KIRREL3: variants seen among roughly 807,000 people sequenced by gnomAD.
KIRREL3 encodes the protein kin of IRRE-like protein 3.
Under a neutral mutation model 89.7 loss-of-function variants are expected in KIRREL3, and 36 were observed. That is an observed-to-expected ratio of 0.40 (90% CI 0.31 to 0.53). The LOEUF (loss-of-function observed/expected upper bound fraction) is 0.53. KIRREL3 is among the 20% of genes least tolerant of loss of function. The pLI is 0.49. For missense variants in KIRREL3, 864 were observed against 1,056.6 expected (o/e 0.82, Z 2.53); for synonymous variants, 445 against 441.4 (o/e 1.01, Z -0.10).
At chr11:126,572,580 C>G (rs997149220) in intron 1 of KIRREL3, among the ~76,000 whole-genome samples, 1 of 97,028 alleles carries the variant, frequency 1.0e-5, no homozygotes, top group Non-Finnish European at 2.2e-5. Flanking sequence ...GGACCCCCCC[C>G]CCGCCAAGCA....
chr11:126,930,259 A>G (rs1311996752), intron 1 of KIRREL3, among the ~76,000 whole-genome samples: 2 of 68,780 alleles, frequency 2.9e-5, no homozygotes, highest in African/African-American at 8.2e-5. Context: ...TAAACCCTTG[A>G]CATGTTACTG....
At position 126,814,991 on chromosome 11, in the gene KIRREL3, T is replaced by A. The variant is rs1353517981; in HGVS notation, c.55+185464A>T. Reference sequence around the variant, plus strand: ...AGGTGGATTCCTTTAGGTCACCTTCTTGCAGTTGTACCCTAAATTTAGAGG... The same window carrying A: ...AGGTGGATTCCTTTAGGTCACCTTCATGCAGTTGTACCCTAAATTTAGAGG... On this transcript the variant is annotated intron_variant, in intron 1 of 16. Coordinates refer to ENST00000525144, the MANE Select transcript of KIRREL3 (RefSeq NM_032531.4). The surrounding 1 kb of genome is among the most constrained non-coding windows in gnomAD (Gnocchi z 4.4). Among the ~76,000 whole-genome samples the A allele has an allele frequency of 6.6e-6, 1 of 152,184 alleles. No homozygotes were observed. Among genetic ancestry groups the A allele is most frequent in the African/African-American group, 2.4e-5 (1 of 41,438 alleles).
In KIRREL3 at chr11:126,918,716, A is replaced by G. The variant is rs191464282; in HGVS notation, c.55+81739T>C. On this transcript the variant is annotated intron_variant, in intron 1 of 16. Coordinates refer to ENST00000525144, the MANE Select transcript of KIRREL3 (RefSeq NM_032531.4). This position sits in a 1 kb window ranked among gnomAD's most constrained non-coding sequence, Gnocchi z 6.5. ...ATGGCAGACATTACTAATCAAGGAT[A>G]GTTCCCCTTTTCAAAATCTTTTCCT... Among the ~76,000 whole-genome samples the G allele has an allele frequency of 2.6e-5, 4 of 152,318 alleles. No homozygotes were observed. The East Asian group carries it at 7.7e-4, about 29-fold the overall frequency.
In KIRREL3 at chr11:126,832,090, T is replaced by A. The variant is rs1943627479; in HGVS notation, c.55+168365A>T. Among the ~76,000 whole-genome samples the A allele has an allele frequency of 3.9e-5, 6 of 152,224 alleles. No homozygotes were observed. In the South Asian group the frequency reaches 1.2e-3, roughly 32 times the overall value. ...TTATCAAGTATTTCTGCCTTTACAC[T>A]TTTAAGATGAGGAAAATGAGCCACA... On this transcript the variant is annotated intron_variant, in intron 1 of 16. Transcript: ENST00000525144.
intron 1 of KIRREL3, among the ~76,000 whole-genome samples, chr11:126,956,446 G>A (rs1948924505): frequency 6.6e-6 from 1 of 152,084 alleles, no homozygotes; most frequent in Non-Finnish European, 1.5e-5. Flanking sequence ...CATTTTAATG[G>A]CATATGGTTC....
intron 1 of KIRREL3, among the ~76,000 whole-genome samples, chr11:126,865,875 T>A (rs767734647): frequency 1.9e-4 from 29 of 152,190 alleles, no homozygotes; most frequent in African/African-American, 2.9e-4. Context: ...TCTTTTTTTT[T>A]AATTTTAACT....
intron 1 of KIRREL3, among the ~76,000 whole-genome samples, chr11:126,602,814 A>T (rs1342192582): frequency 6.6e-6 from 1 of 152,152 alleles, no homozygotes; most frequent in Non-Finnish European, 1.5e-5. Context: ...CGGGGCTGGG[A>T]GGACAGGTAA....
Position 126,796,265 on chromosome 11 carries a change from A to G in KIRREL3, c.55+204190T>C, listed in dbSNP as rs908851108. On this transcript the variant is annotated intron_variant, in intron 1 of 16. Transcript: ENST00000525144. The surrounding 1 kb of genome is among the most constrained non-coding windows in gnomAD (Gnocchi z 5.1). The stretch of plus-strand genomic sequence containing the variant: ...AAAATGGTGAACAAAAAAACCAAGG[A>G]CTTGACCAGATGAAAAGAGAGGGGC... 1.3e-5 allele frequency among the ~76,000 whole-genome samples: 2 copies of G among 151,866 alleles called. No individual in the cohort carries two copies. Among genetic ancestry groups the G allele is most frequent in the Non-Finnish European group, 2.9e-5 (2 of 67,994 alleles).
intron 1 of KIRREL3, among the ~76,000 whole-genome samples, chr11:126,831,424 T>C (rs1267689603): frequency 1.1e-5 from 1 of 91,648 alleles, no homozygotes; most frequent in Non-Finnish European, 2.1e-5. Flanking sequence ...TCTCTCTCTA[T>C]CTCTCTCTCT....
In KIRREL3 at chr11:126,754,863, T is replaced by C. The variant is rs753083403; in HGVS notation, c.56-191951A>G. Among the ~76,000 whole-genome samples the C allele has an allele frequency of 3.9e-5, 6 of 152,222 alleles. No individual in the cohort carries two copies. The highest frequency in any genetic ancestry group is 8.8e-5 in the Non-Finnish European group (6 of 68,032). The stretch of plus-strand genomic sequence containing the variant: ...CTCTTTCTCCATGGCCAGACATTGA[T>C]GAAAATTGTACTGAGCAGCTGCCTG... On this transcript the variant is annotated intron_variant, in intron 1 of 16. Transcript: ENST00000525144. This position sits in a 1 kb window ranked among gnomAD's most constrained non-coding sequence, Gnocchi z 5.1.
chr11:126,671,569 T>C (rs1322728099), intron 1 of KIRREL3, among the ~76,000 whole-genome samples: 1 of 151,352 alleles, frequency 6.6e-6, no homozygotes, highest in Non-Finnish European at 1.5e-5. Context: ...CCAAGAATCC[T>C]GAAAACTCAA....
intron 4 of KIRREL3, among the ~76,000 whole-genome samples, chr11:126,497,134 CAGAG>C (rs1957681219): frequency 2.8e-5 from 4 of 142,214 alleles, no homozygotes; most frequent in African/African-American, 7.8e-5. Flanking sequence ...GTGTGTGTGA[CAGAG>C]AGAGAGCGAG....
chr11:126,821,351 A>G lies in KIRREL3; in HGVS notation c.55+179104T>C, dbSNP rs4072706. ...ACAGTATATATATATATATATATAT[A>G]TGTAACTTCCAACCAACATCCCTTC... On this transcript the variant is annotated intron_variant, in intron 1 of 16. Transcript: ENST00000525144. Among the ~76,000 whole-genome samples, 556 of 105,200 alleles carry G rather than the reference A, an allele frequency of 5.3e-3. 68 individuals are homozygous for G. The highest frequency in any genetic ancestry group is 9.4e-3 in the East Asian group (28 of 2,984). The allele number at this position is 105,200 out of a possible 152,430, so 69.0% of individuals were successfully genotyped here.
chr11:126,829,876 T>G (rs1943548799), intron 1 of KIRREL3, among the ~76,000 whole-genome samples: 1 of 152,064 alleles, frequency 6.6e-6, no homozygotes, highest in Non-Finnish European at 1.5e-5. Context: ...AGAGGGAGGT[T>G]TTCAGAAGAC....
Position 126,736,334 on chromosome 11 carries a change from C to T in KIRREL3, c.56-173422G>A, listed in dbSNP as rs979599388. Among the ~76,000 whole-genome samples the T allele has an allele frequency of 7.2e-5, 11 of 152,184 alleles. 1 individual carries two copies. Among genetic ancestry groups the T allele is most frequent in the Admixed American group, 2.6e-4 (4 of 15,280 alleles). ...TTTTGCAGATAAGCAAACCGAGGCT[C>T]AGAGAAGTGAAATCATTTGACAAGT... On this transcript the variant is annotated intron_variant, in intron 1 of 16. Coordinates refer to ENST00000525144, the MANE Select transcript of KIRREL3 (RefSeq NM_032531.4). This position sits in a 1 kb window ranked among gnomAD's most constrained non-coding sequence, Gnocchi z 5.0.
At chr11:126,833,987 C>T (rs752541346) in intron 1 of KIRREL3, among the ~76,000 whole-genome samples, 4 of 152,180 alleles carry the variant, frequency 2.6e-5, no homozygotes, top group African/African-American at 4.8e-5. Context: ...TTGCTCTCAG[C>T]GTCCCTGTCT....
Position 126,994,994 on chromosome 11 carries a change from A to G in KIRREL3, c.55+5461T>C, listed in dbSNP as rs1459647748. The G allele has an allele frequency of 2.9e-6, 1 of 349,332 alleles. No homozygotes were observed. The highest frequency in any genetic ancestry group is 2.1e-5 in the African/African-American group (1 of 46,592). The allele number at this position is 349,332 out of a possible 1,614,324, so 21.6% of individuals were successfully genotyped here. A position where few individuals can be genotyped will look rare whatever the true frequency, so the allele number is the denominator to read the frequency against. On this transcript the variant is annotated intron_variant, in intron 1 of 16. Coordinates refer to ENST00000525144, the MANE Select transcript of KIRREL3 (RefSeq NM_032531.4). This position sits in a 1 kb window ranked among gnomAD's most constrained non-coding sequence, Gnocchi z 5.2. ...AAAAGAAAATGACATGCAATGACGT[A>G]TGGAACAGTACTGTGTCTCGGTGCA... is the stretch of plus-strand genomic sequence containing the variant.
rs1949647910 is a variant in KIRREL3, at chr11:126,978,782, T to C, written c.55+21673A>G. On this transcript the variant is annotated intron_variant, in intron 1 of 16. Transcript: ENST00000525144. This position sits in a 1 kb window ranked among gnomAD's most constrained non-coding sequence, Gnocchi z 4.2. ...AGGTGGGCTAGGCAACCCTAGTGTCTGCTCCCACAGGAGCTACCATATGTG... is the reference window on the plus strand; with the variant it reads ...AGGTGGGCTAGGCAACCCTAGTGTCCGCTCCCACAGGAGCTACCATATGTG... Among the ~76,000 whole-genome samples the C allele has an allele frequency of 6.6e-6, 1 of 152,192 alleles. No individual in the cohort carries two copies. The highest frequency in any genetic ancestry group is 2.1e-4 in the South Asian group (1 of 4,828).
chr11:126,477,198 G>C lies in KIRREL3; in HGVS notation c.434-3732C>G, dbSNP rs1451157330. 1.3e-5 allele frequency among the ~76,000 whole-genome samples: 2 copies of C among 152,220 alleles called. No individual in the cohort carries two copies. The highest frequency in any genetic ancestry group is 2.9e-5 in the Non-Finnish European group (2 of 68,038). On this transcript the variant is annotated intron_variant, in intron 4 of 16. Transcript: ENST00000525144. This position sits in a 1 kb window ranked among gnomAD's most constrained non-coding sequence, Gnocchi z 4.8. Reference sequence around the variant, plus strand: ...GGCTCCTGGGGCATTGATTATGAAAGAAACACATCATCGCGGGATGCTGAG... The same window carrying C: ...GGCTCCTGGGGCATTGATTATGAAACAAACACATCATCGCGGGATGCTGAG...
Sources: gnomAD v4.1 joint callset for allele counts (sites outside exome capture counted in the v4.1 genomes callset) on GRCh38, gnomAD v4.1.1 for gene constraint, Gnocchi (gnomAD v3.1) non-coding constraint, MANE v1.5 for transcripts, NCBI Gene and HGNC (gene_info 2026-07-23, HGNC 2026-07-21) for gene names.